NOL10: variants seen among roughly 807,000 people sequenced by gnomAD.
NOL10 encodes the protein nucleolar protein 10.
In NOL10, 58 loss-of-function variants were observed where a neutral mutation model predicts 103.5. The observed-to-expected ratio is 0.56, with a 90% CI of 0.45 to 0.70. The LOEUF (loss-of-function observed/expected upper bound fraction) is 0.70, where lower values mean the gene tolerates loss of function less well. Ranked by LOEUF, NOL10 falls within the 30% of genes least tolerant of loss-of-function variation. The pLI, the probability that NOL10 is intolerant of heterozygous loss-of-function variation, is 0.00. For missense variants in NOL10, 763 were observed against 807.3 expected (o/e 0.95, Z 0.67); for synonymous variants, 287 against 282.5 (o/e 1.02, Z -0.16).
In NOL10 at chr2:10,586,899, T is replaced by G. The variant is rs1344995980; in HGVS notation, c.1844+2144A>C. 2.6e-5 allele frequency among the ~76,000 whole-genome samples: 4 copies of G among 151,008 alleles called. No homozygotes were observed. The East Asian group carries it at 7.7e-4, about 29-fold the overall frequency. On this transcript the variant is annotated intron_variant, in intron 19 of 20. Coordinates refer to ENST00000381685, the MANE Select transcript of NOL10 (RefSeq NM_024894.4). ...TTAAAAATTCTGGTTACCAGTAGGC[T>G]ATTAGTAGTAAAGTTTTTGGGGATA...
At chr2:10,620,033 A>AT (rs775797028) in intron 13 of NOL10, among the ~76,000 whole-genome samples, 2 of 152,160 alleles carry the variant, frequency 1.3e-5, no homozygotes, top group Non-Finnish European at 2.9e-5. Context: ...CACTACGCCA[A>AT]TTTTTTTACA....
At chr2:10,623,152 A>G (rs114882981) in intron 13 of NOL10, among the ~76,000 whole-genome samples, 5,021 of 152,172 alleles carry the variant, frequency 0.033, 290 homozygotes, top group African/African-American at 0.12. Context: ...TAACACACCT[A>G]TCTGATTTCA....
chr2:10,619,709 C>A (rs540437647), intron 13 of NOL10, among the ~76,000 whole-genome samples: 1 of 152,250 alleles, frequency 6.6e-6, no homozygotes, highest in Admixed American at 6.5e-5. Flanking sequence ...CTGAACATGG[C>A]CCCAATCTTC....
At chr2:10,633,119 G>A (rs911073723) in intron 13 of NOL10, among the ~76,000 whole-genome samples, 10 of 152,166 alleles carry the variant, frequency 6.6e-5, no homozygotes, top group African/African-American at 1.2e-4. Context: ...CCTCATCAGA[G>A]TGTAACATAC....
At chr2:10,601,409 T>C (rs545389578) in intron 16 of NOL10, among the ~76,000 whole-genome samples, 375 of 152,176 alleles carry the variant, frequency 2.5e-3, no homozygotes, top group African/African-American at 8.5e-3. Context: ...TAGTAGGAAA[T>C]GTAGACAGGT....
intron 13 of NOL10, among the ~76,000 whole-genome samples, chr2:10,627,288 C>T (rs1034716248): frequency 1.3e-5 from 2 of 152,198 alleles, no homozygotes; most frequent in Admixed American, 6.5e-5. Context: ...GATGTCTTAT[C>T]TTTCCGGATC....
chr2:10,587,675 G>C (rs1055520578), intron 19 of NOL10, among the ~76,000 whole-genome samples: 1 of 152,046 alleles, frequency 6.6e-6, no homozygotes, highest in Non-Finnish European at 1.5e-5. Flanking sequence ...TCTTTAGTTA[G>C]TTCATCAGAA....
At chr2:10,648,955 C>CA (rs147993677) in intron 12 of NOL10, among the ~76,000 whole-genome samples, 5,615 of 151,894 alleles carry the variant, frequency 0.037, 202 homozygotes, top group African/African-American at 0.093. Flanking sequence ...CAAAAAAACA[C>CA]AAAAAACAAA....
chr2:10,583,792 G>A (rs1252720914), intron 19 of NOL10, among the ~76,000 whole-genome samples: 1 of 152,180 alleles, frequency 6.6e-6, no homozygotes, highest in Non-Finnish European at 1.5e-5. Flanking sequence ...TTGAGAGCTG[G>A]TCTCTGGGTG....
chr2:10,668,322 C>A (rs1680684894), intron 7 of NOL10, among the ~76,000 whole-genome samples: 1 of 152,052 alleles, frequency 6.6e-6, no homozygotes, highest in Admixed American at 6.6e-5. Context: ...AAAAATGGCA[C>A]TCCAAATTAA....
At chr2:10,581,531 AAAC>A (rs375765394) in intron 19 of NOL10, among the ~76,000 whole-genome samples, 2 of 152,362 alleles carry the variant, frequency 1.3e-5, no homozygotes, top group East Asian at 3.9e-4. Context: ...GAGCAAGTTA[AAAC>A]AGTATAATTA....
At chr2:10,625,245 A>G (rs1160896542) in intron 13 of NOL10, among the ~76,000 whole-genome samples, 1 of 152,212 alleles carries the variant, frequency 6.6e-6, no homozygotes, top group Non-Finnish European at 1.5e-5. Context: ...TACACCACCA[A>G]GAGTGGACTC....
At chr2:10,630,056 T>C (rs1462415290) in intron 13 of NOL10, among the ~76,000 whole-genome samples, 2 of 152,180 alleles carry the variant, frequency 1.3e-5, no homozygotes, top group African/African-American at 4.8e-5. Context: ...CCCAAAGTAC[T>C]GGGATTACAG....
chr2:10,639,486 A>G (rs994453037), intron 13 of NOL10, among the ~76,000 whole-genome samples: 2 of 152,136 alleles, frequency 1.3e-5, no homozygotes, highest in African/African-American at 4.8e-5. Context: ...ACACATCCAC[A>G]TTACCAAGCA....
chr2:10,584,592 C>T (rs544290380), intron 19 of NOL10, among the ~76,000 whole-genome samples: 2 of 152,242 alleles, frequency 1.3e-5, no homozygotes, highest in South Asian at 2.1e-4. Context: ...GACTGGCTTG[C>T]GGTAACTTGC....
chr2:10,681,282 TAAA>T (rs36092643), intron 3 of NOL10, among the ~76,000 whole-genome samples: 3 of 144,792 alleles, frequency 2.1e-5, no homozygotes, highest in African/African-American at 7.5e-5. Context: ...CTTTTGGTAA[TAAA>T]AAAAAAAAAG....
At chr2:10,689,378 G>C (rs1682450600) in intron 1 of NOL10, among the ~76,000 whole-genome samples, 1 of 152,146 alleles carries the variant, frequency 6.6e-6, no homozygotes, top group Non-Finnish European at 1.5e-5. Flanking sequence ...GTTCACTGTT[G>C]TATCCCTAAG....
rs142012742 is a variant in NOL10 at position 10,602,769 on chromosome 2, T to C, written c.1332+7A>G. ...CTGATAAATTCAATGGTAAGTATAA[T>C]ATTTACCTTTAACTGGACTCTCTGT... On this transcript the variant is annotated splice_region_variant and intron_variant, in intron 16 of 20. Transcript: ENST00000381685. 9.9e-5 allele frequency: 152 copies of C among 1,530,840 alleles called. No individual in the cohort carries two copies. The East Asian group carries it at 2.7e-3, about 27-fold the overall frequency. The allele number at this position is 1,530,840 out of a possible 1,614,324, so 94.8% of individuals were successfully genotyped here.
intron 10 of NOL10, among the ~76,000 whole-genome samples, chr2:10,658,948 G>A (rs898323329): frequency 4.6e-5 from 7 of 152,106 alleles, no homozygotes; most frequent in Admixed American, 4.6e-4. Context: ...GTGTGGTGGT[G>A]CAGGCCTATC....
Sources: gnomAD v4.1 joint callset for allele counts (sites outside exome capture counted in the v4.1 genomes callset) on GRCh38, gnomAD v4.1.1 for gene constraint, MANE v1.5 for transcripts, NCBI Gene and HGNC (gene_info 2026-07-23, HGNC 2026-07-21) for gene names.